The following DNAH14 variants were observed in gnomAD, a reference collection of about 807,000 sequenced individuals.
DNAH14 encodes the protein dynein axonemal heavy chain 14, also known as axonemal beta dynein heavy chain 14.
In DNAH14, 478 loss-of-function variants were observed where a neutral mutation model predicts 520.9. That is an observed-to-expected ratio of 0.92 (90% confidence interval 0.85 to 0.99). The LOEUF (loss-of-function observed/expected upper bound fraction) is 0.99, where lower values mean the gene tolerates loss of function less well. DNAH14 is among the 50% of genes least tolerant of loss of function. The pLI is 0.00. For missense variants in DNAH14, 4,831 were observed against 5,234.5 expected (o/e 0.92, Z 2.38); for synonymous variants, 1,581 against 1,757.2 (o/e 0.90, Z 2.51).
rs1162277700 is a variant in DNAH14, at chr1:225,130,948, G to T, written c.4254+7334G>T. Among the ~76,000 whole-genome samples, 6 of 152,090 alleles carry T rather than the reference G, an allele frequency of 3.9e-5. No individual in the cohort carries two copies. In the East Asian group the frequency reaches 9.6e-4, roughly 24 times the overall value. ...AGTTTGTGGCTACATTGCCAAGAAA[G>T]AAATGATTTGGAAAATAAATCATTA... On this transcript the variant is annotated intron_variant, in intron 27 of 85. Transcript: ENST00000682510.
chr1:225,361,065 C>G lies in DNAH14; in HGVS notation c.11987+174C>G, dbSNP rs569018846. Among the ~76,000 whole-genome samples, 3 of 152,314 alleles carry G rather than the reference C, an allele frequency of 2.0e-5. No homozygotes were observed. The South Asian group carries it at 6.2e-4, about 32-fold the overall frequency. ...TTTCTTTTCTCCAGGAACTTGAAAA[C>G]TACACTAAGAATACATCAGTTTTTA... On this transcript the variant is annotated intron_variant, in intron 75 of 85. Transcript: ENST00000682510.
chr1:225,274,260 T>C (rs895716163), intron 52 of DNAH14, among the ~76,000 whole-genome samples: 1 of 141,182 alleles, frequency 7.1e-6, no homozygotes, highest in Non-Finnish European at 1.5e-5. Context: ...GCGGGAGTGC[T>C]GTGGCGCGAT....
chr1:225,122,856 A>G (rs554234439), intron 26 of DNAH14, among the ~76,000 whole-genome samples: 2 of 152,324 alleles, frequency 1.3e-5, no homozygotes, highest in Admixed American at 1.3e-4. Context: ...CAAATATTCA[A>G]ATACATTCTA....
rs544956382 is a variant in DNAH14, at chr1:225,234,353, T to A, written c.6518+3202T>A. On this transcript the variant is annotated intron_variant, in intron 42 of 85. Transcript: ENST00000682510. The stretch of plus-strand genomic sequence containing the variant: ...ACAGGCATCTGCCACCGCACCTGGC[T>A]AATTTTTTGTATTTTTAGTAGAGAT... 5.0e-3 allele frequency among the ~76,000 whole-genome samples: 761 copies of A among 152,214 alleles called. 5 individuals carry two copies. Among genetic ancestry groups the A allele is most frequent in the African/African-American group, 0.017 (718 of 41,540 alleles).
chr1:225,307,394 A>T, intron 58 of DNAH14, 67 bp from the exon 59 acceptor site: 1 of 1,102,420 alleles, frequency 9.1e-7, no homozygotes, highest in Admixed American at 3.0e-5. Context: ...CTTTTTATAT[A>T]TTATCAAATT....
intron 1 of DNAH14, among the ~76,000 whole-genome samples, 187 bp from the exon 2 acceptor site, chr1:224,952,483 C>T (rs79707057): frequency 5.3e-5 from 8 of 152,118 alleles, no homozygotes; most frequent in African/African-American, 1.9e-4. Flanking sequence ...TAGAGATTGC[C>T]CTGAGAAGGC....
intron 44 of DNAH14, among the ~76,000 whole-genome samples, chr1:225,252,943 G>A (rs2092609347): frequency 6.6e-6 from 1 of 152,060 alleles, no homozygotes; most frequent in Non-Finnish European, 1.5e-5. Context: ...TTGAGGCAGA[G>A]GCAGGAATCT....
intron 11 of DNAH14, among the ~76,000 whole-genome samples, chr1:225,027,426 T>G (rs1355128234): frequency 1.3e-5 from 2 of 152,132 alleles, no homozygotes; most frequent in Non-Finnish European, 2.9e-5. Flanking sequence ...AGGAAGTTCC[T>G]GTCTGTATTA....
At chr1:225,381,717 T>C in intron 81 of DNAH14, 138 bp downstream of exon 81, 2 of 748,450 alleles carry the variant, frequency 2.7e-6, no homozygotes, top group Non-Finnish European at 4.2e-6. Context: ...CTTTTTCATA[T>C]TTTCACATCT....
intron 52 of DNAH14, among the ~76,000 whole-genome samples, chr1:225,273,544 T>C (rs1347800585): frequency 6.6e-6 from 1 of 152,264 alleles, no homozygotes; most frequent in African/African-American, 2.4e-5. Flanking sequence ...TGTAATTTTA[T>C]TAACAATTCC....
chr1:225,175,654 T>A (rs1352323828), intron 36 of DNAH14, among the ~76,000 whole-genome samples: 2 of 151,690 alleles, frequency 1.3e-5, no homozygotes, highest in Non-Finnish European at 2.9e-5. Flanking sequence ...GTTTTGATTG[T>A]TCTTATTTTT....
Position 225,353,852 on chromosome 1 carries a change from C to T in DNAH14, c.11583C>T (p.Pro3861=). The part of the protein sequence containing the change: ...NKETCNPINF[P]WEKLTSFQRL... The stretch of plus-strand genomic sequence containing the variant: ...AAACGTGTAATCCTATAAATTTTCC[C>T]TGGGAGAAACTCACTTCATTTCAAA... Residue 3861 remains proline, a synonymous_variant, in exon 73 of 86, where the codon CCC becomes CCT. Coordinates refer to ENST00000682510, the MANE Select transcript of DNAH14 (RefSeq NM_001367479.1). The T allele has an allele frequency of 6.6e-7, 1 of 1,515,134 alleles. No individual in the cohort carries two copies. Among genetic ancestry groups the T allele is most frequent in the Non-Finnish European group, 8.9e-7 (1 of 1,119,316 alleles). The allele number at this position is 1,515,134 out of a possible 1,614,324, so 93.9% of individuals were successfully genotyped here.
intron 27 of DNAH14, among the ~76,000 whole-genome samples, chr1:225,139,955 C>A (rs1282202822): frequency 6.6e-6 from 1 of 152,182 alleles, no homozygotes; most frequent in Non-Finnish European, 1.5e-5. Flanking sequence ...AAAGCCAGTT[C>A]ATTTCTGTTG....
Position 225,367,915 on chromosome 1 carries a change from A to ATGGT in DNAH14, c.12202_12205dup (p.Trp4069LeufsTer8). On this transcript the variant is annotated frameshift_variant, in exon 77 of 86. Transcript: ENST00000682510. LOFTEE classifies it high-confidence loss of function. ...TATTTGAAAATCCTGACTGTGGACA[A>ATGGT]TGGTGGAAAAAACTTTTATTTAGCC... 12 of 1,551,670 alleles carry ATGGT rather than the reference A, an allele frequency of 7.7e-6. No individual in the cohort carries two copies. The highest frequency in any genetic ancestry group is 1.0e-5 in the Non-Finnish European group (12 of 1,146,950).
intron 1 of DNAH14, among the ~76,000 whole-genome samples, chr1:224,933,516 G>A (rs1242035723): frequency 6.6e-6 from 1 of 152,070 alleles, no homozygotes; most frequent in Non-Finnish European, 1.5e-5. Context: ...AGTTGTTACA[G>A]GAAAGGCTTT....
At chr1:225,008,433 T>C (rs1020235530) in intron 10 of DNAH14, among the ~76,000 whole-genome samples, 5 of 152,146 alleles carry the variant, frequency 3.3e-5, no homozygotes, top group African/African-American at 1.2e-4. Flanking sequence ...CCTTTGGGTA[T>C]ATACACAGTA....
chr1:225,282,949 A>T (rs899528638), intron 54 of DNAH14, among the ~76,000 whole-genome samples: 2 of 152,246 alleles, frequency 1.3e-5, no homozygotes, highest in Admixed American at 1.3e-4. Context: ...TTTCTTCATT[A>T]TATGTGTGGC....
chr1:225,188,031 G>A (rs956476164), intron 37 of DNAH14, among the ~76,000 whole-genome samples: 2 of 151,854 alleles, frequency 1.3e-5, no homozygotes, highest in Non-Finnish European at 2.9e-5. Flanking sequence ...TTGAAAATCA[G>A]TTGGCCACAG....
chr1:225,351,500 A>G (rs2095366218), intron 71 of DNAH14, 147 bp from the exon 72 acceptor site: 1 of 434,050 alleles, frequency 2.3e-6, no homozygotes, highest in Non-Finnish European at 3.9e-6. Context: ...TTTATATTTT[A>G]TGTAAAATAT....
Sources: gnomAD v4.1 joint callset for allele counts (sites outside exome capture counted in the v4.1 genomes callset) on GRCh38, gnomAD v4.1.1 for gene constraint, MANE v1.5 for transcripts, NCBI Gene and HGNC (gene_info 2026-07-23, HGNC 2026-07-21) for gene names.